ATRN: variants seen among roughly 807,000 people sequenced by gnomAD.
ATRN encodes the protein attractin, also known as attractin-2.
A neutral mutation model predicts 178.7 loss-of-function variants in ATRN; 54 were observed. The observed-to-expected ratio is 0.30, with a 90% CI of 0.24 to 0.38. The LOEUF (loss-of-function observed/expected upper bound fraction) is 0.38. Among genes scored for constraint, ATRN ranks in the 10% least tolerant of loss-of-function variants. The pLI is 1.00. For missense variants in ATRN, 1,443 were observed against 1,815.1 expected, an observed-to-expected ratio of 0.79 and a Z score of 3.73; for synonymous variants, 636 against 663.0, an observed-to-expected ratio of 0.96 and a Z score of 0.63.
intron 5 of ATRN, among the ~76,000 whole-genome samples, chr20:3,548,446 C>A (rs1400676634): frequency 1.3e-5 from 2 of 151,650 alleles, no homozygotes; most frequent in Non-Finnish European, 2.9e-5. Context: ...CTAAAAAATA[C>A]AAAAATTAGG....
chr20:3,587,105 A>G (rs967130005), intron 18 of ATRN, among the ~76,000 whole-genome samples: 3 of 152,156 alleles, frequency 2.0e-5, no homozygotes, highest in Non-Finnish European at 4.4e-5. Flanking sequence ...ATTGAGTTGT[A>G]AGAGTTCTTT....
intron 1 of ATRN, among the ~76,000 whole-genome samples, chr20:3,522,685 G>C (rs893069219): frequency 6.6e-6 from 1 of 152,162 alleles, no homozygotes; most frequent in African/African-American, 2.4e-5. Context: ...ACATCTGGTG[G>C]ATACCCCTCT....
At chr20:3,535,872 C>T (rs1301014924) in intron 2 of ATRN, among the ~76,000 whole-genome samples, 18 of 152,066 alleles carry the variant, frequency 1.2e-4, no homozygotes, top group South Asian at 2.1e-4. Context: ...TCAAGTGATC[C>T]GCTCGCCTCA....
chr20:3,596,238 T>G, intron 20 of ATRN, 139 bp from the exon 21 acceptor site: 3 of 840,242 alleles, frequency 3.6e-6, no homozygotes, highest in Non-Finnish European at 5.6e-6. Flanking sequence ...CTAGACTGCC[T>G]GAGCTGAGTT....
chr20:3,487,560 T>C (rs2084712782), intron 1 of ATRN, among the ~76,000 whole-genome samples: 1 of 152,174 alleles, frequency 6.6e-6, no homozygotes, highest in South Asian at 2.1e-4. Context: ...TCTAATGCTG[T>C]TGTTAGTTTG....
chr20:3,575,497 T>C (rs1291489495), intron 12 of ATRN, among the ~76,000 whole-genome samples: 2 of 152,180 alleles, frequency 1.3e-5, no homozygotes, highest in Non-Finnish European at 2.9e-5. Context: ...TTCTTTGGTG[T>C]TCATTCTATT....
At chr20:3,508,020 A>G (rs1162812510) in intron 1 of ATRN, among the ~76,000 whole-genome samples, 1 of 151,918 alleles carries the variant, frequency 6.6e-6, no homozygotes, top group East Asian at 1.9e-4. Flanking sequence ...AAAATCTTAA[A>G]GCAACCAGTG....
At chr20:3,573,576 A>G (rs2146243960) in intron 12 of ATRN, among the ~76,000 whole-genome samples, 1 of 152,134 alleles carries the variant, frequency 6.6e-6, no homozygotes, top group East Asian at 1.9e-4. Context: ...TACAACAGTG[A>G]TATCAAGACA....
Position 3,631,645 on chromosome 20 carries a change from G to T in ATRN, c.3864-2666G>T, listed in dbSNP as rs369881642. ...ACAGATCTTCACTGAATACAGAAGG[G>T]CCCTCTCACCTTCCCTGAGGCATAG... On this transcript the variant is annotated intron_variant, in intron 25 of 28. Coordinates refer to ENST00000262919, the MANE Select transcript of ATRN (RefSeq NM_139321.3). 1.0e-3 allele frequency among the ~76,000 whole-genome samples: 154 copies of T among 152,240 alleles called. No homozygotes were observed. The South Asian group carries it at 0.021, about 21-fold the overall frequency.
chr20:3,495,447 C>G lies in ATRN; in HGVS notation c.410+23930C>G, dbSNP rs1023429862. ...GATATTTTGATGTTAATCTGAGAAC[C>G]CTGTATCAGGGGTTTGGGTAGGGGC... is the stretch of plus-strand genomic sequence containing the variant. On this transcript the variant is annotated intron_variant, in intron 1 of 28. Coordinates refer to ENST00000262919, the MANE Select transcript of ATRN (RefSeq NM_139321.3). Among the ~76,000 whole-genome samples the G allele has an allele frequency of 6.6e-5, 10 of 152,086 alleles. No homozygotes were observed. In the East Asian group the frequency reaches 1.9e-3, roughly 29 times the overall value.
chr20:3,601,712 A>T (rs891975525), intron 23 of ATRN, among the ~76,000 whole-genome samples: 2 of 151,038 alleles, frequency 1.3e-5, no homozygotes, highest in African/African-American at 4.9e-5. Flanking sequence ...AAAAAAAAAA[A>T]AAAAACCCAG....
At chr20:3,619,576 T>C (rs2086880758) in intron 24 of ATRN, among the ~76,000 whole-genome samples, 2 of 152,232 alleles carry the variant, frequency 1.3e-5, no homozygotes, top group African/African-American at 4.8e-5. Context: ...ACATAGTAGA[T>C]GCAAAAATAC....
chr20:3,572,693 G>T, intron 11 of ATRN, 38 bp from the exon 12 acceptor site: 1 of 1,531,672 alleles, frequency 6.5e-7, no homozygotes, highest in Non-Finnish European at 9.0e-7. Context: ...TGTTATCTGA[G>T]TCTCTAGTAA....
At chr20:3,526,199 A>G (rs556663603) in intron 1 of ATRN, among the ~76,000 whole-genome samples, 2 of 152,344 alleles carry the variant, frequency 1.3e-5, no homozygotes, top group Non-Finnish European at 2.9e-5. Flanking sequence ...AACTTCAGCA[A>G]AGTCTCAGGA....
At chr20:3,605,553 C>T (rs1441185671) in intron 24 of ATRN, among the ~76,000 whole-genome samples, 1 of 152,212 alleles carries the variant, frequency 6.6e-6, no homozygotes, top group Non-Finnish European at 1.5e-5. Context: ...GGTACATATA[C>T]ACCATGGAAT....
intron 1 of ATRN, among the ~76,000 whole-genome samples, chr20:3,512,776 C>A (rs1275658634): frequency 6.6e-6 from 1 of 152,166 alleles, no homozygotes; most frequent in East Asian, 1.9e-4. Flanking sequence ...CCCGTTGTTT[C>A]CTGACTTTTT....
At chr20:3,612,681 T>C (rs923297919) in intron 24 of ATRN, among the ~76,000 whole-genome samples, 1 of 152,242 alleles carries the variant, frequency 6.6e-6, no homozygotes, top group African/African-American at 2.4e-5. Flanking sequence ...GTTATTTTCA[T>C]GTAAACACTT....
At chr20:3,615,159 T>C (rs574832406) in intron 24 of ATRN, among the ~76,000 whole-genome samples, 3 of 152,280 alleles carry the variant, frequency 2.0e-5, no homozygotes, top group African/African-American at 7.2e-5. Context: ...TTAAGAATTA[T>C]ATGGTTGTGC....
At chr20:3,516,490 A>C (rs1014403471) in intron 1 of ATRN, among the ~76,000 whole-genome samples, 1 of 152,172 alleles carries the variant, frequency 6.6e-6, no homozygotes, top group Non-Finnish European at 1.5e-5. Context: ...ATATATCCTG[A>C]TTTCTGAGCT....
Sources: allele counts gnomAD v4.1 joint callset (sites outside exome capture counted in the v4.1 genomes callset), GRCh38; gene constraint gnomAD v4.1.1; transcripts MANE v1.5; gene names NCBI Gene and HGNC (gene_info 2026-07-23, HGNC 2026-07-21).